Variants in ATP1A3 observed in about 807,000 individuals in gnomAD.
ATP1A3 encodes the protein sodium/potassium-transporting ATPase subunit alpha-3.
Under a neutral mutation model 108.8 loss-of-function variants are expected in ATP1A3, and 12 were observed. That is an observed-to-expected ratio of 0.11 (90% CI 0.07 to 0.18). ATP1A3 has a LOEUF of 0.18. ATP1A3 is among the 10% of genes least tolerant of loss of function. ATP1A3 has a pLI of 1.00. For synonymous variants in ATP1A3, 539 were observed against 564.5 expected (o/e 0.95, Z 0.64); for missense variants, 498 against 1,387.7 (o/e 0.36, Z 10.19).
In ATP1A3 at chr19:41,988,668, G is replaced by A. The variant is rs1262862184; in HGVS notation, c.7-106C>T. The A allele has an allele frequency of 6.2e-7, 1 of 1,600,410 alleles. No individual in the cohort carries two copies. The highest frequency in any genetic ancestry group is 8.5e-7 in the Non-Finnish European group (1 of 1,175,186). On this transcript the variant is annotated intron_variant, in intron 1 of 22. Coordinates refer to ENST00000648268, the MANE Select transcript of ATP1A3 (RefSeq NM_152296.5). This position sits in a 1 kb window ranked among gnomAD's most constrained non-coding sequence, Gnocchi z 5.3. ...TGCCCCAGCTATCCTCCTGGCCGGT[G>A]CCCCTGCATCTCTGGGTGGGGGGTC...
rs1555859299 is a variant in ATP1A3, at chr19:41,969,476, G to A, written c.2647C>T (p.Arg883Cys). 6.2e-7 allele frequency: 1 copy of A among 1,614,138 alleles called. No individual in the cohort carries two copies. The highest frequency in any genetic ancestry group is 1.7e-5 in the Admixed American group (1 of 60,022). ...LVGIRLNWDDRTVNDLEDSYG... is the reference protein window; with the variant it reads ...LVGIRLNWDDCTVNDLEDSYG... ...CTGTCTTCCAGGTCATTGACGGTGC[G>A]GTCATCCCAGTTCAGCCGGATGCCC... The change falls in exon 19 of 23, where the codon CGC becomes TGC. Residue 883 changes from arginine (R) to cysteine (C), a missense_variant. Coordinates refer to ENST00000648268, the MANE Select transcript of ATP1A3 (RefSeq NM_152296.5).
At chr19:41,989,966 C>T (rs1247141755) in intron 1 of ATP1A3, among the ~76,000 whole-genome samples, 2 of 152,150 alleles carry the variant, frequency 1.3e-5, no homozygotes, top group East Asian at 1.9e-4. Flanking sequence ...TGCATGATGT[C>T]TGTCTCCATC....
Position 41,970,666 on chromosome 19 carries a change from G to C in ATP1A3, c.2264-124C>G, listed in dbSNP as rs577223025. 2.6e-4 allele frequency: 298 copies of C among 1,167,496 alleles called. 3 individuals are homozygous for C. Among genetic ancestry groups the C allele is most frequent in the East Asian group, 2.4e-3 (91 of 37,762 alleles). The allele number at this position is 1,167,496 out of a possible 1,614,324, so 72.3% of individuals were successfully genotyped here. A position where few individuals can be genotyped will look rare whatever the true frequency, so the allele number is the denominator to read the frequency against. ...TTTTTTTTTGAGACAGAGTCTCGCT[G>C]TGTTGCCCAGGCTGGAGTGCAGTGG... On this transcript the variant is annotated intron_variant, in intron 16 of 22. Transcript: ENST00000648268.
At position 41,967,226 on chromosome 19, in the gene ATP1A3, GCTGC is replaced by G. The variant is rs1555858816; in HGVS notation, c.3013+19_3013+22del. ...ACCCTGCTGCCCCCCGCCCCCCTCG[GCTGC>G]CTTGCCGAGCTCCCTCACCCCCTGG... is the stretch of plus-strand genomic sequence containing the variant. On this transcript the variant is annotated intron_variant, in intron 22 of 22. Transcript: ENST00000648268. The surrounding 1 kb of genome is among the most constrained non-coding windows in gnomAD (Gnocchi z 4.2). The G allele has an allele frequency of 6.2e-7, 1 of 1,613,966 alleles. No homozygotes were observed. The highest frequency in any genetic ancestry group is 2.2e-5 in the East Asian group (1 of 44,874).
Position 41,985,368 on chromosome 19 carries a change from C to A in ATP1A3, c.662G>T (p.Cys221Phe). 6.2e-7 allele frequency: 1 copy of A among 1,614,118 alleles called. No individual in the cohort carries two copies. The highest frequency in any genetic ancestry group is 8.5e-7 in the Non-Finnish European group (1 of 1,179,980). Residue 221 changes from cysteine to phenylalanine, a missense_variant, in exon 7 of 23, where the codon TGC becomes TTC. Physicochemically the swap from Cys to Phe is radical, Grantham distance 205. Coordinates refer to ENST00000648268, the MANE Select transcript of ATP1A3 (RefSeq NM_152296.5). The surrounding 1 kb of genome is among the most constrained non-coding windows in gnomAD (Gnocchi z 8.2). Reference protein sequence around the residue: ...ESEPQTRSPDCTHDNPLETRN... With the variant: ...ESEPQTRSPDFTHDNPLETRN... ...AGTCTCCAAGGGGTTGTCGTGAGTG[C>A]AGTCGGGAGAGCGAGTCTGGGGCTC...
chr19:41,971,902 G>A (rs1392477597), intron 16 of ATP1A3, among the ~76,000 whole-genome samples: 1 of 152,108 alleles, frequency 6.6e-6, no homozygotes, highest in Non-Finnish European at 1.5e-5. Context: ...CTGTATGCAT[G>A]CCATATCTCA....
At chr19:41,990,869 T>C (rs1478127145) in intron 1 of ATP1A3, 1 of 152,216 alleles carries the variant, frequency 6.6e-6, no homozygotes, top group Non-Finnish European at 1.5e-5. Context: ...TGTCTATGTC[T>C]CTCTGTCTCT....
At chr19:41,976,961 C>A (rs528161172) in intron 14 of ATP1A3, among the ~76,000 whole-genome samples, 5 of 151,714 alleles carry the variant, frequency 3.3e-5, no homozygotes, top group African/African-American at 1.2e-4. Flanking sequence ...CCCACCACCA[C>A]GCCTGGCTAA....
intron 1 of ATP1A3, 181 bp downstream of exon 1, chr19:41,993,889 AC>A (rs1209313859): frequency 1.1e-5 from 13 of 1,145,548 alleles, no homozygotes; most frequent in East Asian, 5.6e-5. Context: ...TGCGCCACAG[AC>A]CCCCCGCCGC....
intron 16 of ATP1A3, among the ~76,000 whole-genome samples, chr19:41,974,348 C>T (rs1425707875): frequency 6.6e-6 from 1 of 152,122 alleles, no homozygotes; most frequent in African/African-American, 2.4e-5. Context: ...GGGCCTGAGG[C>T]AGGAGGATCG....
chr19:41,968,723 G>A lies in ATP1A3; in HGVS notation c.2819+62C>T. 1 of 1,606,496 alleles carries A rather than the reference G, an allele frequency of 6.2e-7. No individual in the cohort carries two copies. The highest frequency in any genetic ancestry group is 1.1e-5 in the South Asian group (1 of 90,894). On this transcript the variant is annotated intron_variant, in intron 20 of 22. Transcript: ENST00000648268. This position sits in a 1 kb window ranked among gnomAD's most constrained non-coding sequence, Gnocchi z 5.0. The stretch of plus-strand genomic sequence containing the variant: ...GCAAGGACACAAGAGGAAGTACACA[G>A]ACAGACAGACACTCGGACAGGACAG...
At chr19:41,975,987 A>G (rs1452256567) in intron 15 of ATP1A3, among the ~76,000 whole-genome samples, 190 bp from the exon 16 acceptor site, 12 of 127,642 alleles carry the variant, frequency 9.4e-5, no homozygotes, top group African/African-American at 1.5e-4. Flanking sequence ...AGGGGTCCAG[A>G]CCCCCAGACC....
rs1555858810 is a variant in ATP1A3 at position 41,967,224 on chromosome 19, C to T, written c.3013+25G>A. On this transcript the variant is annotated intron_variant, in intron 22 of 22. Coordinates refer to ENST00000648268, the MANE Select transcript of ATP1A3 (RefSeq NM_152296.5). The surrounding 1 kb of genome is among the most constrained non-coding windows in gnomAD (Gnocchi z 4.2). ...AGACCCTGCTGCCCCCCGCCCCCCT[C>T]GGCTGCCTTGCCGAGCTCCCTCACC... The T allele has an allele frequency of 5.0e-6, 8 of 1,613,968 alleles. No homozygotes were observed. In the Admixed American group the frequency reaches 5.0e-5, roughly 10 times the overall value.
In ATP1A3 at chr19:41,990,330, CCT is replaced by C. The variant is rs1491362064; in HGVS notation, c.7-1770_7-1769del. Among the ~76,000 whole-genome samples the C allele has an allele frequency of 6.6e-5, 10 of 150,828 alleles. No homozygotes were observed. The East Asian group carries it at 2.0e-3, about 30-fold the overall frequency. Reference sequence around the variant, plus strand: ...TTCTCTCTCACTATCACTAAGATCTCCTCTCTTTCTCTTTCTCTCTCTCTCTC... The same window carrying C: ...TTCTCTCTCACTATCACTAAGATCTCCTCTTTCTCTTTCTCTCTCTCTCTC... On this transcript the variant is annotated intron_variant, in intron 1 of 22. Coordinates refer to ENST00000648268, the MANE Select transcript of ATP1A3 (RefSeq NM_152296.5).
intron 16 of ATP1A3, 147 bp from the exon 17 acceptor site, chr19:41,970,689 T>G: frequency 1.0e-6 from 1 of 988,886 alleles, no homozygotes. Flanking sequence ...TGGAGTGCAG[T>G]GGTGCGATCT....
chr19:41,973,551 T>A (rs2075135325), intron 16 of ATP1A3, among the ~76,000 whole-genome samples: 1 of 152,196 alleles, frequency 6.6e-6, no homozygotes, highest in Non-Finnish European at 1.5e-5. Flanking sequence ...CCCCCGTGCC[T>A]GGCCCCTGAC....
chr19:41,991,417 G>A (rs372233335), intron 1 of ATP1A3, among the ~76,000 whole-genome samples: 10 of 152,320 alleles, frequency 6.6e-5, no homozygotes, highest in Non-Finnish European at 1.5e-5. Context: ...TCTCAGATGC[G>A]GAGGCACAGA....
In ATP1A3 at chr19:41,981,359, A is replaced by C. The variant is rs980884003; in HGVS notation, c.1437+143T>G. On this transcript the variant is annotated intron_variant, in intron 11 of 22. Coordinates refer to ENST00000648268, the MANE Select transcript of ATP1A3 (RefSeq NM_152296.5). This position sits in a 1 kb window ranked among gnomAD's most constrained non-coding sequence, Gnocchi z 5.0. ...AACAGAGATCCGGCTCCCACTCTCA[A>C]GCTCTCCCTGTTCCTCTCCCCACCA... 59 of 1,354,470 alleles carry C rather than the reference A, an allele frequency of 4.4e-5. No individual in the cohort carries two copies. In the African/African-American group the frequency reaches 7.6e-4, roughly 17 times the overall value. 83.9% of individuals were successfully genotyped at this position (1,354,470 alleles called of 1,614,324 possible).
Position 41,988,335 on chromosome 19 carries a change from T to A in ATP1A3, c.136A>T (p.Asn46Tyr). ...GGCCACACCTGCACACAGTCTGTGT[T>A]GTATTTCCGGCAGACCTCTTCCACT... ...MSVEEVCRKYNTDCVQGLTHS... is the reference protein window; with the variant it reads ...MSVEEVCRKYYTDCVQGLTHS... The change falls in exon 3 of 23, where the codon AAC becomes TAC. Residue 46 changes from asparagine to tyrosine, a missense_variant. Physicochemically the swap from Asn to Tyr is moderately radical, Grantham distance 143. This residue lies in a region of ATP1A3 where 41 missense variants were observed against 59.7 expected (regional missense o/e 0.69). Coordinates refer to ENST00000648268, the MANE Select transcript of ATP1A3 (RefSeq NM_152296.5). The surrounding 1 kb of genome is among the most constrained non-coding windows in gnomAD (Gnocchi z 5.3). 1 of 1,614,116 alleles carries A rather than the reference T, an allele frequency of 6.2e-7. No individual in the cohort carries two copies. Among genetic ancestry groups the A allele is most frequent in the East Asian group, 2.2e-5 (1 of 44,870 alleles).
Sources: allele counts gnomAD v4.1 joint callset (sites outside exome capture counted in the v4.1 genomes callset), GRCh38; gene constraint gnomAD v4.1.1; regional missense constraint gnomAD v4.1.1; non-coding constraint Gnocchi (gnomAD v3.1); transcripts MANE v1.5; gene names NCBI Gene and HGNC (gene_info 2026-07-23, HGNC 2026-07-21).